GBP4: variants seen among roughly 807,000 people sequenced by gnomAD.
GBP4 encodes guanylate binding protein 4.
In GBP4, 69 loss-of-function variants were observed where a neutral mutation model predicts 62.2. The observed-to-expected ratio is 1.11, with a 90% confidence interval of 0.91 to 1.36. The LOEUF (loss-of-function observed/expected upper bound fraction) is 1.36. Among genes scored for constraint, GBP4 ranks in the 40% most tolerant of loss-of-function variants. GBP4 has a pLI of 0.00. For missense variants in GBP4, 697 were observed against 759.3 expected (o/e 0.92, Z 0.96); for synonymous variants, 278 against 274.6 (o/e 1.01, Z -0.12).
chr1:89,195,305 C>T lies in GBP4; in HGVS notation c.355G>A (p.Val119Ile), dbSNP rs146936970. 242 of 1,613,766 alleles carry T rather than the reference C, an allele frequency of 1.5e-4. 1 individual carries two copies. Among genetic ancestry groups the T allele is most frequent in the Middle Eastern group, 1.5e-3 (9 of 6,062 alleles). ...AAGTTTCTCTGCCTTACCTTTTCTA[C>T]ATCGCCCAGGCCCTCGGTGTCCAGA... Reference protein sequence around the residue: ...VLLDTEGLGDVEKSNPKNDSW... With the variant: ...VLLDTEGLGDIEKSNPKNDSW... The change falls in exon 3 of 11, where the codon GTA (valine) becomes ATA (isoleucine). Residue 119 changes from valine (V) to isoleucine (I), a missense_variant. Physicochemically the swap from Val to Ile is conservative, Grantham distance 29. Coordinates refer to ENST00000355754, the MANE Select transcript of GBP4 (RefSeq NM_052941.5).
Position 89,182,793 on chromosome 1 carries a change from A to T in GBP4, c.*2461T>A, listed in dbSNP as rs1402214586. 1 of 152,252 alleles carries T rather than the reference A, an allele frequency of 6.6e-6. No homozygotes were observed. The highest frequency in any genetic ancestry group is 1.5e-5 in the Non-Finnish European group (1 of 68,062). The allele number at this position is 152,252 out of a possible 1,614,324, so 9.4% of individuals were successfully genotyped here. A position where few individuals can be genotyped will look rare whatever the true frequency, so the allele number is the denominator to read the frequency against. On this transcript the variant is annotated 3_prime_UTR_variant, in exon 11 of 11. Coordinates refer to ENST00000355754, the MANE Select transcript of GBP4 (RefSeq NM_052941.5). ...GATTTTTAACTACTGGGTTTAGGCC[A>T]GGCAGGCCCAGGCCTGGTTTTGGGC...
intron 3 of GBP4, among the ~76,000 whole-genome samples, chr1:89,194,670 A>G (rs538063021): frequency 6.6e-6 from 1 of 152,334 alleles, no homozygotes; most frequent in Middle Eastern, 3.4e-3. Context: ...CTCACTTACA[A>G]TATTCTTTGT....
intron 2 of GBP4, among the ~76,000 whole-genome samples, 156 bp from the exon 3 acceptor site, chr1:89,195,580 A>G (rs1220400414): frequency 1.3e-5 from 2 of 152,220 alleles, no homozygotes; most frequent in Non-Finnish European, 2.9e-5. Flanking sequence ...CTTTATATGT[A>G]TTAAGAATTT....
intron 1 of GBP4, 167 bp downstream of exon 1, chr1:89,198,628 A>C: frequency 1.5e-6 from 1 of 676,800 alleles, no homozygotes; most frequent in Admixed American, 2.1e-5. Flanking sequence ...CAAAGCACTC[A>C]GGGGTTCAAG....
rs887339126 is a variant in GBP4 at position 89,184,263 on chromosome 1, G to C, written c.*991C>G. 6.6e-6 allele frequency: 1 copy of C among 152,146 alleles called. No homozygotes were observed. 9.4% of individuals were successfully genotyped at this position (152,146 alleles called of 1,614,324 possible). A position where few individuals can be genotyped will look rare whatever the true frequency, so the allele number is the denominator to read the frequency against. On this transcript the variant is annotated 3_prime_UTR_variant, in exon 11 of 11. Coordinates refer to ENST00000355754, the MANE Select transcript of GBP4 (RefSeq NM_052941.5). ...GTTGGTGGGAGTGTAAATTAGTTTA[G>C]CCACTGTGGAAAGCAGGTTGGTGAT...
In GBP4 at chr1:89,193,415, A is replaced by G; in HGVS notation, c.364-3T>C. On this transcript the variant is annotated splice_region_variant and splice_polypyrimidine_tract_variant and intron_variant, in intron 3 of 10. Transcript: ENST00000355754. ...CACGAGTCATTCTTAGGGTTACTCT[A>G]GAAAGCATATAAAGCAAAAGACTTA... 6.2e-7 allele frequency: 1 copy of G among 1,612,000 alleles called. No homozygotes were observed. The highest frequency in any genetic ancestry group is 8.5e-7 in the Non-Finnish European group (1 of 1,178,040).
At chr1:89,196,743 A>G (rs1055365117) in intron 2 of GBP4, among the ~76,000 whole-genome samples, 15 of 152,190 alleles carry the variant, frequency 9.9e-5, no homozygotes, top group African/African-American at 3.6e-4. Context: ...CCTTCTTCAT[A>G]TTTATTTTTT....
At chr1:89,185,508 T>A (rs1168758192) in intron 10 of GBP4, 39 bp from the exon 11 acceptor site, 1 of 1,102,572 alleles carries the variant, frequency 9.1e-7, no homozygotes, top group Non-Finnish European at 1.4e-6. Flanking sequence ...AAATCTCCAA[T>A]TTTCTTCAGG....
At chr1:89,197,764 T>G in intron 1 of GBP4, among the ~76,000 whole-genome samples, 1 of 151,702 alleles carries the variant, frequency 6.6e-6, no homozygotes, top group Non-Finnish European at 1.5e-5. Flanking sequence ...TAATAAAGAG[T>G]ATTGCGTACC....
intron 5 of GBP4, 70 bp from the exon 6 acceptor site, chr1:89,191,576 A>G: frequency 6.6e-7 from 1 of 1,506,760 alleles, no homozygotes; most frequent in Non-Finnish European, 9.0e-7. Flanking sequence ...GGACTTTTCC[A>G]GGGATCTTTG....
chr1:89,196,404 T>A (rs2100679993), intron 2 of GBP4, among the ~76,000 whole-genome samples: 1 of 152,322 alleles, frequency 6.6e-6, no homozygotes, highest in East Asian at 1.9e-4. Flanking sequence ...GTAGAACCAT[T>A]TTTAAAAACC....
Position 89,186,450 on chromosome 1 carries a change from C to A in GBP4, c.1590G>T (p.Met530Ile), listed in dbSNP as rs777198893. 5 of 1,613,438 alleles carry A rather than the reference C, an allele frequency of 3.1e-6. No individual in the cohort carries two copies. The highest frequency in any genetic ancestry group is 4.2e-6 in the Non-Finnish European group (5 of 1,179,518). Residue 530 changes from methionine (M) to isoleucine (I), a missense_variant, in exon 10 of 11, where the codon ATG becomes ATT. Transcript: ENST00000355754. The part of the protein sequence containing the change: ...LREKQKEQQQ[M>I]MEAQERSFQE... ...GGAAGCTTCTCTCTTGAGCCTCCAT[C>A]ATTTGCTGCTGCTCCTTCTGTTTTT...
intron 7 of GBP4, among the ~76,000 whole-genome samples, chr1:89,189,476 A>G (rs959877619): frequency 6.6e-6 from 1 of 152,224 alleles, no homozygotes; most frequent in Non-Finnish European, 1.5e-5. Flanking sequence ...TCCTGGGCCT[A>G]TGAATATGAT....
At chr1:89,191,154 C>T (rs1413349088) in intron 6 of GBP4, 107 bp downstream of exon 6, 1 of 1,270,134 alleles carries the variant, frequency 7.9e-7, no homozygotes, top group Non-Finnish European at 1.1e-6. Context: ...TCCTTCTCTG[C>T]ATTCCTATAC....
chr1:89,193,275 A>T lies in GBP4; in HGVS notation c.473+28T>A, dbSNP rs374804401. 1.6e-4 allele frequency: 256 copies of T among 1,604,020 alleles called. 17 individuals are homozygous for T. The highest frequency in any genetic ancestry group is 6.0e-4 in the East Asian group (27 of 44,818). Reference sequence around the variant, plus strand: ...TTCCCATTCCCCTAAACCCCATAAAACCTGCTCTTCACTTCCCAGAAGGAT... The same window carrying T: ...TTCCCATTCCCCTAAACCCCATAAATCCTGCTCTTCACTTCCCAGAAGGAT... On this transcript the variant is annotated intron_variant, in intron 4 of 10. Coordinates refer to ENST00000355754, the MANE Select transcript of GBP4 (RefSeq NM_052941.5).
chr1:89,188,877 CT>C (rs1648109562), intron 7 of GBP4, 83 bp from the exon 8 acceptor site: 1 of 1,398,212 alleles, frequency 7.2e-7, no homozygotes, highest in Non-Finnish European at 1.0e-6. Context: ...AAGAAGTAGT[CT>C]GAAGGCCTCA....
chr1:89,198,672 G>A (rs1648412980), intron 1 of GBP4, 123 bp downstream of exon 1: 3 of 855,848 alleles, frequency 3.5e-6, no homozygotes, highest in Admixed American at 3.5e-5. Context: ...TTCCTCCACT[G>A]CCTTTGTCAC....
chr1:89,198,009 G>C (rs998657309), intron 1 of GBP4, among the ~76,000 whole-genome samples: 2 of 151,990 alleles, frequency 1.3e-5, no homozygotes, highest in Non-Finnish European at 2.9e-5. Flanking sequence ...CTTTGGTTTA[G>C]AAAGGAGAGG....
Position 89,185,400 on chromosome 1 carries a change from G to T in GBP4, c.1777C>A (p.Leu593Met). ...TTAGTGCTTTCAATTTTTTCTTTCAGTTGATTAATCTCTTTATTTAACTGC... is the reference window on the plus strand; with the variant it reads ...TTAGTGCTTTCAATTTTTTCTTTCATTTGATTAATCTCTTTATTTAACTGC... Reference protein sequence around the residue: ...SEQLNKEINQLKEKIESTKNE... With the variant: ...SEQLNKEINQMKEKIESTKNE... Residue 593 changes from leucine (L) to methionine (M), a missense_variant, in exon 11 of 11, where the codon CTG becomes ATG. Transcript: ENST00000355754. 1 of 1,588,624 alleles carries T rather than the reference G, an allele frequency of 6.3e-7. No homozygotes were observed. The highest frequency in any genetic ancestry group is 8.6e-7 in the Non-Finnish European group (1 of 1,156,930).
Sources: allele counts gnomAD v4.1 joint callset (sites outside exome capture counted in the v4.1 genomes callset), GRCh38; gene constraint gnomAD v4.1.1; transcripts MANE v1.5; gene names NCBI Gene and HGNC (gene_info 2026-07-23, HGNC 2026-07-21).